Variants in AGAP1 observed in about 807,000 individuals in gnomAD.
AGAP1 encodes the protein ArfGAP with GTPase domain, ankyrin repeat and PH domain 1.
AGAP1 carries 29 observed loss-of-function variants against 105.3 expected under a neutral mutation model. The observed-to-expected ratio is 0.28, with a 90% CI of 0.21 to 0.38. The LOEUF (loss-of-function observed/expected upper bound fraction) is 0.38. Among genes scored for constraint, AGAP1 ranks in the 10% least tolerant of loss-of-function variants. The probability of loss-of-function intolerance (pLI) is 1.00; values close to 1 mark genes in which losing one functional copy is unlikely to be tolerated. For synonymous variants in AGAP1, 509 were observed against 485.9 expected, an observed-to-expected ratio of 1.05 and a Z score of -0.63; for missense variants, 998 against 1,165.1, an observed-to-expected ratio of 0.86 and a Z score of 2.09.
intron 16 of AGAP1, among the ~76,000 whole-genome samples, chr2:236,108,531 G>A (rs1447369691): frequency 6.6e-6 from 1 of 152,178 alleles, no homozygotes; most frequent in African/African-American, 2.4e-5. Context: ...GTTGGCGGGG[G>A]CAGGGCAGCT....
chr2:235,743,392 G>A (rs1952703844), intron 4 of AGAP1, among the ~76,000 whole-genome samples: 1 of 152,098 alleles, frequency 6.6e-6, no homozygotes, highest in South Asian at 2.1e-4. Context: ...CTCTTTATGG[G>A]CGCAGTGGGA....
At position 235,967,795 on chromosome 2, in the gene AGAP1, G is replaced by C. The variant is rs1247934908; in HGVS notation, c.1484-667G>C. 6.6e-6 allele frequency among the ~76,000 whole-genome samples: 1 copy of C among 152,202 alleles called. No individual in the cohort carries two copies. The highest frequency in any genetic ancestry group is 6.5e-5 in the Admixed American group (1 of 15,284). On this transcript the variant is annotated intron_variant, in intron 12 of 17. Transcript: ENST00000304032. The surrounding 1 kb of genome is among the most constrained non-coding windows in gnomAD (Gnocchi z 4.7). ...GATACAAATGGACATAATACATTGA[G>C]AGTTTCACTTATAGTGAATAATCAC...
At chr2:235,589,189 GTTTTGTTTTTTT>G (rs1338170904) in intron 1 of AGAP1, among the ~76,000 whole-genome samples, 5 of 54,942 alleles carry the variant, frequency 9.1e-5, no homozygotes, top group Non-Finnish European at 1.7e-4. Context: ...ATAGCTTATT[GTTTTGTTTTTTT>G]TTTTTTTTTT....
intron 1 of AGAP1, among the ~76,000 whole-genome samples, chr2:235,539,855 A>G (rs904855550): frequency 6.6e-6 from 1 of 152,216 alleles, no homozygotes; most frequent in African/African-American, 2.4e-5. Context: ...AGGGATGTGA[A>G]GATTTCTCTT....
intron 1 of AGAP1, among the ~76,000 whole-genome samples, chr2:235,688,843 C>G (rs893775243): frequency 1.3e-5 from 2 of 152,178 alleles, no homozygotes; most frequent in African/African-American, 2.4e-5. Context: ...CCCTCATTCA[C>G]CCGCTAGTGC....
Position 236,049,133 on chromosome 2 carries a change from A to G in AGAP1, c.1966A>G (p.Thr656Ala). Reference sequence around the variant, plus strand: ...CTCAGGGATCCACCGGAATCTTGGCACCCACCTTTCCCGAGTCCGATCTCT... The same window carrying G: ...CTCAGGGATCCACCGGAATCTTGGCGCCCACCTTTCCCGAGTCCGATCTCT... Reference protein sequence around the residue: ...ECSGIHRNLGTHLSRVRSLDL... With the variant: ...ECSGIHRNLGAHLSRVRSLDL... Residue 656 changes from threonine (T) to alanine (A), a missense_variant, in exon 16 of 18, where the codon ACC becomes GCC. Thr to Ala is a moderately conservative substitution (Grantham distance 58, BLOSUM62 0). Transcript: ENST00000304032. The G allele has an allele frequency of 6.2e-7, 1 of 1,614,150 alleles. No homozygotes were observed. The highest frequency in any genetic ancestry group is 8.5e-7 in the Non-Finnish European group (1 of 1,180,024).
rs201871354 is a variant in AGAP1, at chr2:235,868,193, CT to C, written c.1051-15139del. Among the ~76,000 whole-genome samples, 575 of 143,744 alleles carry C rather than the reference CT, an allele frequency of 4.0e-3. 1 individual carries two copies. The highest frequency in any genetic ancestry group is 0.019 in the East Asian group (95 of 4,974). The allele number at this position is 143,744 out of a possible 152,430, so 94.3% of individuals were successfully genotyped here. ...AAACCACCGAAGTACTCAAACATCA[CT>C]TTTTTTTTTTTTAGAAGTAGAAACA... On this transcript the variant is annotated intron_variant, in intron 9 of 17. Coordinates refer to ENST00000304032, the MANE Select transcript of AGAP1 (RefSeq NM_001037131.3).
At position 236,115,722 on chromosome 2, in the gene AGAP1, TC is replaced by T. The variant is rs112403571; in HGVS notation, c.2115-4467del. The stretch of plus-strand genomic sequence containing the variant: ...CACAAAGCCCAGTGGCTGCCCCAAC[TC>T]CCTGGCCACCTCCTACTGTCCGAGA... On this transcript the variant is annotated intron_variant, in intron 16 of 17. Coordinates refer to ENST00000304032, the MANE Select transcript of AGAP1 (RefSeq NM_001037131.3). Among the ~76,000 whole-genome samples, 782 of 152,270 alleles carry T rather than the reference TC, an allele frequency of 5.1e-3. 5 individuals carry two copies. The highest frequency in any genetic ancestry group is 0.018 in the African/African-American group (753 of 41,566).
chr2:235,763,910 C>T (rs1410531071), intron 6 of AGAP1, among the ~76,000 whole-genome samples: 1 of 152,182 alleles, frequency 6.6e-6, no homozygotes, highest in Non-Finnish European at 1.5e-5. Context: ...CTTTTGGGGT[C>T]ATCAGGCGGT....
chr2:235,916,216 C>T (rs1469100515), intron 11 of AGAP1, among the ~76,000 whole-genome samples: 3 of 152,160 alleles, frequency 2.0e-5, no homozygotes, highest in Non-Finnish European at 4.4e-5. Flanking sequence ...TTAAACCTTC[C>T]CTTCCTCATT....
rs1465181120 is a variant in AGAP1, at chr2:235,874,891, C to T, written c.1051-8454C>T. The stretch of plus-strand genomic sequence containing the variant: ...GAGTTTAAAAACTGGTACTAAAATA[C>T]CCTCTTATCAGAGAAATTGTCAATA... On this transcript the variant is annotated intron_variant, in intron 9 of 17. Transcript: ENST00000304032. This position sits in a 1 kb window ranked among gnomAD's most constrained non-coding sequence, Gnocchi z 4.5. 6.6e-6 allele frequency among the ~76,000 whole-genome samples: 1 copy of T among 152,212 alleles called. No individual in the cohort carries two copies. The highest frequency in any genetic ancestry group is 1.5e-5 in the Non-Finnish European group (1 of 68,036).
Position 235,801,398 on chromosome 2 carries a change from G to C in AGAP1, c.957+1876G>C, listed in dbSNP as rs1399936245. On this transcript the variant is annotated intron_variant, in intron 8 of 17. Transcript: ENST00000304032. The surrounding 1 kb of genome is among the most constrained non-coding windows in gnomAD (Gnocchi z 6.0). ...ATAAAATGATTTCTGATCGTGTTAA[G>C]CATATGTGATAGATTAGGAGGTGGG... Among the ~76,000 whole-genome samples, 1 of 152,172 alleles carries C rather than the reference G, an allele frequency of 6.6e-6. No homozygotes were observed. The highest frequency in any genetic ancestry group is 1.5e-5 in the Non-Finnish European group (1 of 68,028).
At chr2:235,707,267 T>A (rs568643220) in intron 1 of AGAP1, among the ~76,000 whole-genome samples, 1 of 152,326 alleles carries the variant, frequency 6.6e-6, no homozygotes, top group African/African-American at 2.4e-5. Context: ...GCCGGTCTGC[T>A]CTGCCAGCTG....
At chr2:235,679,899 A>G (rs1054101401) in intron 1 of AGAP1, among the ~76,000 whole-genome samples, 3 of 152,218 alleles carry the variant, frequency 2.0e-5, no homozygotes, top group Non-Finnish European at 4.4e-5. Context: ...TCATTTGGTG[A>G]ATTCCGTATT....
In AGAP1 at chr2:235,979,083, C is replaced by CT. The variant is rs141792478; in HGVS notation, c.1645+10465dup. On this transcript the variant is annotated intron_variant, in intron 13 of 17. Transcript: ENST00000304032. This position sits in a 1 kb window ranked among gnomAD's most constrained non-coding sequence, Gnocchi z 4.5. Reference sequence around the variant, plus strand: ...TTCTGTTCATTTTAAGATTGATATGCTTTTTCTTTTTTTGGATGACAGAAG... The same window carrying CT: ...TTCTGTTCATTTTAAGATTGATATGCTTTTTTCTTTTTTTGGATGACAGAAG... 1.5e-3 allele frequency among the ~76,000 whole-genome samples: 217 copies of CT among 146,002 alleles called. 1 individual carries two copies. The highest frequency in any genetic ancestry group is 5.4e-3 in the African/African-American group (203 of 37,456).
chr2:235,975,236 C>CA (rs2054807993), intron 13 of AGAP1, among the ~76,000 whole-genome samples: 1 of 152,144 alleles, frequency 6.6e-6, no homozygotes, highest in Non-Finnish European at 1.5e-5. Context: ...TGCTATTGAT[C>CA]AGTTACCTTT....
chr2:236,067,815 T>G (rs988203526), intron 16 of AGAP1, among the ~76,000 whole-genome samples: 1 of 152,158 alleles, frequency 6.6e-6, no homozygotes, highest in East Asian at 1.9e-4. Flanking sequence ...CACAAGAGTC[T>G]CATGGAATCC....
rs140786176 is a variant in AGAP1, at chr2:235,510,202, AATC to A, written c.163+15359_163+15361del. Among the ~76,000 whole-genome samples the A allele has an allele frequency of 2.5e-3, 381 of 152,308 alleles. 4 individuals carry two copies. The highest frequency in any genetic ancestry group is 8.7e-3 in the African/African-American group (362 of 41,560). On this transcript the variant is annotated intron_variant, in intron 1 of 17. Transcript: ENST00000304032. ...GTGCACAATAAATGTAATGCATTTG[AATC>A]ATCATGAAACCATCCCCCTGCCTCC...
intron 9 of AGAP1, among the ~76,000 whole-genome samples, chr2:235,869,623 A>G (rs1408141507): frequency 6.6e-6 from 1 of 151,976 alleles, no homozygotes; most frequent in Non-Finnish European, 1.5e-5. Flanking sequence ...TAAAAGTGCC[A>G]CCTTATTGTT....
Sources: allele counts gnomAD v4.1 joint callset (sites outside exome capture counted in the v4.1 genomes callset), GRCh38; gene constraint gnomAD v4.1.1; non-coding constraint Gnocchi (gnomAD v3.1); transcripts MANE v1.5; gene names NCBI Gene and HGNC (gene_info 2026-07-23, HGNC 2026-07-21).